DDX10: variants seen among roughly 807,000 people sequenced by gnomAD.
DDX10 encodes the protein probable ATP-dependent RNA helicase DDX10.
In DDX10, 74 loss-of-function variants were observed where a neutral mutation model predicts 104.3. The observed-to-expected ratio is 0.71, with a 90% CI of 0.59 to 0.86. The LOEUF is 0.86. DDX10 is among the 40% of genes least tolerant of loss of function. The pLI, the probability that DDX10 is intolerant of heterozygous loss-of-function variation, is 0.00. For missense variants in DDX10, 952 were observed against 1,040.0 expected (o/e 0.92, Z 1.16); for synonymous variants, 351 against 353.4 (o/e 0.99, Z 0.08).
At chr11:108,679,287 T>C (rs1591789092) in intron 5 of DDX10, 84 bp from the exon 6 acceptor site, 1 of 1,174,546 alleles carries the variant, frequency 8.5e-7, no homozygotes. Context: ...TTTTCTGTTT[T>C]AGGATCCAAT....
At chr11:108,778,337 A>G (rs1306584170) in intron 13 of DDX10, among the ~76,000 whole-genome samples, 1 of 152,230 alleles carries the variant, frequency 6.6e-6, no homozygotes, top group African/African-American at 2.4e-5. Flanking sequence ...TACTGGTACC[A>G]AAACAGAGAT....
intron 16 of DDX10, among the ~76,000 whole-genome samples, chr11:108,894,950 T>C (rs933933087): frequency 5.3e-5 from 8 of 151,982 alleles, no homozygotes; most frequent in African/African-American, 1.4e-4. Flanking sequence ...GTAGAAACTT[T>C]TGTAGGAAAT....
At chr11:108,831,263 G>A (rs1261930499) in intron 13 of DDX10, among the ~76,000 whole-genome samples, 1 of 151,734 alleles carries the variant, frequency 6.6e-6, no homozygotes, top group East Asian at 1.9e-4. Context: ...AATTAGCCAG[G>A]CGTGGTGGCA....
At chr11:108,841,094 T>A (rs934989661) in intron 14 of DDX10, among the ~76,000 whole-genome samples, 5 of 152,258 alleles carry the variant, frequency 3.3e-5, no homozygotes, top group Non-Finnish European at 7.3e-5. Flanking sequence ...TGGTGAAATT[T>A]TCTTTTAATC....
At chr11:108,738,081 C>A (rs2094320545) in intron 13 of DDX10, among the ~76,000 whole-genome samples, 1 of 151,838 alleles carries the variant, frequency 6.6e-6, no homozygotes, top group Admixed American at 6.6e-5. Flanking sequence ...AATGCTCTCT[C>A]CTGTGGTTTG....
At chr11:108,918,075 A>C (rs762445596) in intron 17 of DDX10, 57 bp downstream of exon 17, 3 of 1,529,560 alleles carry the variant, frequency 2.0e-6, no homozygotes, top group South Asian at 2.3e-5. Flanking sequence ...TCAGTCTTTT[A>C]ATGAATCCAA....
intron 13 of DDX10, among the ~76,000 whole-genome samples, chr11:108,732,136 G>C (rs2094313085): frequency 2.0e-5 from 3 of 152,110 alleles, no homozygotes; most frequent in African/African-American, 7.2e-5. Flanking sequence ...AGATTTTATG[G>C]AATATGTCTA....
intron 13 of DDX10, among the ~76,000 whole-genome samples, chr11:108,766,891 A>G (rs1020988064): frequency 6.6e-6 from 1 of 152,212 alleles, no homozygotes; most frequent in African/African-American, 2.4e-5. Context: ...TCAGGACTTT[A>G]GGTGCCTTGT....
At chr11:108,830,320 A>G (rs1862451398) in intron 13 of DDX10, among the ~76,000 whole-genome samples, 1 of 152,092 alleles carries the variant, frequency 6.6e-6, no homozygotes, top group African/African-American at 2.4e-5. Flanking sequence ...TTTTGCAGCT[A>G]TTCTGAAAGA....
chr11:108,788,286 G>T (rs1387947038), intron 13 of DDX10, among the ~76,000 whole-genome samples: 2 of 152,126 alleles, frequency 1.3e-5, no homozygotes, highest in Non-Finnish European at 2.9e-5. Flanking sequence ...TGTAAGTTGG[G>T]TATAGTTAGT....
Position 108,673,500 on chromosome 11 carries a change from T to A in DDX10, c.220T>A (p.Phe74Ile). 2 of 1,599,292 alleles carry A rather than the reference T, an allele frequency of 1.3e-6. No homozygotes were observed. Among genetic ancestry groups the A allele is most frequent in the Non-Finnish European group, 1.7e-6 (2 of 1,167,276 alleles). ...NVNEITRFSDFPLSKKTLKGL... is the reference protein window; with the variant it reads ...NVNEITRFSDIPLSKKTLKGL... ...AAATGAAATCACAAGATTTTCAGATTTTCCCTTGTCCAAAAAAACATTGAA... is the reference window on the plus strand; with the variant it reads ...AAATGAAATCACAAGATTTTCAGATATTCCCTTGTCCAAAAAAACATTGAA... Residue 74 changes from phenylalanine to isoleucine, a missense_variant, in exon 2 of 18, where the codon TTT (phenylalanine) becomes ATT (isoleucine). By Grantham distance (21) the Phe-to-Ile change is conservative. This residue lies in a region of DDX10 where 412 missense variants were observed against 479.2 expected (regional missense o/e 0.86). Transcript: ENST00000322536.
chr11:108,729,122 C>T (rs529946326), intron 13 of DDX10, among the ~76,000 whole-genome samples: 63 of 152,228 alleles, frequency 4.1e-4, no homozygotes, highest in African/African-American at 1.5e-3. Context: ...TAAACACTTA[C>T]TTTATAGTAA....
Position 108,871,703 on chromosome 11 carries a change from G to T in DDX10, c.2304+19494G>T, listed in dbSNP as rs1043004376. ...AGCACTTTGGCAGGCCGAGGTGGGT[G>T]TATCACCTGAGGTAGGGGGTTCTGA... On this transcript the variant is annotated intron_variant, in intron 16 of 17. Transcript: ENST00000322536. Among the ~76,000 whole-genome samples, 3 of 152,152 alleles carry T rather than the reference G, an allele frequency of 2.0e-5. No individual in the cohort carries two copies. In the East Asian group the frequency reaches 5.8e-4, roughly 29 times the overall value.
At position 108,936,242 on chromosome 11, in the gene DDX10, G is replaced by A. The variant is rs193084297; in HGVS notation, c.2451-4004G>A. The stretch of plus-strand genomic sequence containing the variant: ...CATGCTGATTTTTTCTCTGTTGTAT[G>A]ATACGTCCTTTCAGTGGCACACCAG... On this transcript the variant is annotated intron_variant, in intron 17 of 17. Transcript: ENST00000322536. Among the ~76,000 whole-genome samples the A allele has an allele frequency of 9.9e-5, 15 of 152,216 alleles. No homozygotes were observed. The East Asian group carries it at 2.9e-3, about 29-fold the overall frequency.
intron 13 of DDX10, among the ~76,000 whole-genome samples, chr11:108,762,454 G>A (rs1321492360): frequency 1.3e-5 from 2 of 152,106 alleles, no homozygotes; most frequent in Admixed American, 6.6e-5. Context: ...TGGTAATTGG[G>A]CATTATCAGT....
At chr11:108,915,433 T>G (rs970477271) in intron 16 of DDX10, among the ~76,000 whole-genome samples, 14 of 111,210 alleles carry the variant, frequency 1.3e-4, no homozygotes, top group East Asian at 2.5e-4. Flanking sequence ...AAAAGGCTTG[T>G]TTTTTTTTTT....
intron 13 of DDX10, among the ~76,000 whole-genome samples, chr11:108,836,603 C>G (rs150563664): frequency 3.2e-4 from 48 of 152,270 alleles, no homozygotes; most frequent in African/African-American, 1.0e-3. Context: ...TGTCATGCCT[C>G]AGCCTCCTGA....
intron 13 of DDX10, among the ~76,000 whole-genome samples, chr11:108,764,943 A>G (rs572499074): frequency 1.3e-5 from 2 of 152,342 alleles, no homozygotes; most frequent in East Asian, 1.9e-4. Flanking sequence ...CTTCAAAAGT[A>G]TGTTGTCTTA....
intron 16 of DDX10, among the ~76,000 whole-genome samples, chr11:108,913,079 G>A (rs566267868): frequency 2.6e-4 from 40 of 152,144 alleles, no homozygotes; most frequent in Admixed American, 3.3e-4. Flanking sequence ...CAAAACATCT[G>A]AGACAAATCT....
Sources: allele counts gnomAD v4.1 joint callset (sites outside exome capture counted in the v4.1 genomes callset), GRCh38; gene constraint gnomAD v4.1.1; regional missense constraint gnomAD v4.1.1; transcripts MANE v1.5; gene names NCBI Gene and HGNC (gene_info 2026-07-23, HGNC 2026-07-21).